Variants in NEDD4 observed in about 807,000 individuals in gnomAD.
NEDD4 encodes E3 ubiquitin-protein ligase NEDD4.
NEDD4 carries 99 observed loss-of-function variants against 144.9 expected under a neutral mutation model. The observed-to-expected ratio is 0.68, with a 90% CI of 0.58 to 0.81. The LOEUF (loss-of-function observed/expected upper bound fraction) is 0.81, where lower values mean the gene tolerates loss of function less well. NEDD4 is among the 30% of genes least tolerant of loss of function. NEDD4 has a pLI of 0.00. For missense variants in NEDD4, 985 were observed against 1,065.9 expected (o/e 0.92, Z 1.06); for synonymous variants, 318 against 350.6 (o/e 0.91, Z 1.04).
At chr15:55,948,854 G>A (rs1211844610) in intron 4 of NEDD4, among the ~76,000 whole-genome samples, 2 of 152,222 alleles carry the variant, frequency 1.3e-5, no homozygotes, top group Non-Finnish European at 2.9e-5. Context: ...AAGAACCGTA[G>A]AAGAAAACCC....
intron 1 of NEDD4, among the ~76,000 whole-genome samples, chr15:55,976,300 T>G (rs2037698711): frequency 6.6e-6 from 1 of 152,108 alleles, no homozygotes. Context: ...GACCACAGAA[T>G]GGGAGAAAAT....
chr15:55,991,843 T>C (rs1241016028), intron 1 of NEDD4: 1 of 152,216 alleles, frequency 6.6e-6, no homozygotes, highest in Non-Finnish European at 1.5e-5. Context: ...GGGGTGATGA[T>C]TGAAAACAGA....
intron 4 of NEDD4, among the ~76,000 whole-genome samples, chr15:55,941,377 C>T (rs981612618): frequency 4.6e-5 from 7 of 152,118 alleles, no homozygotes; most frequent in Non-Finnish European, 7.4e-5. Flanking sequence ...CTTCATCCCA[C>T]ATTTGGTATG....
At chr15:55,962,556 G>A (rs2037443574) in intron 2 of NEDD4, among the ~76,000 whole-genome samples, 1 of 152,058 alleles carries the variant, frequency 6.6e-6, no homozygotes, top group South Asian at 2.1e-4. Context: ...CAATTCTCCT[G>A]CCTCAGCCTC....
intron 17 of NEDD4, 44 bp downstream of exon 17, chr15:55,848,328 G>C: frequency 6.3e-7 from 1 of 1,576,916 alleles, no homozygotes; most frequent in Non-Finnish European, 8.7e-7. Context: ...GAAGAGACAG[G>C]TGAGCGGACA....
At chr15:55,954,441 A>C (rs1239424148) in intron 2 of NEDD4, among the ~76,000 whole-genome samples, 1 of 152,206 alleles carries the variant, frequency 6.6e-6, no homozygotes, top group Non-Finnish European at 1.5e-5. Context: ...ACAAAATGTA[A>C]ATGTAATTAT....
Position 55,853,818 on chromosome 15 carries a change from G to C in NEDD4, c.1027-1275C>G, listed in dbSNP as rs1040054925. Among the ~76,000 whole-genome samples, 3 of 152,120 alleles carry C rather than the reference G, an allele frequency of 2.0e-5. 1 individual carries two copies. The highest frequency in any genetic ancestry group is 1.5e-5 in the Non-Finnish European group (1 of 68,030). ...AGCCTGGCCAACATGGTGAAAACTT[G>C]TCTCTACTAAAAGTACAAAAAAATT... is the stretch of plus-strand genomic sequence containing the variant. On this transcript the variant is annotated intron_variant, in intron 12 of 28. Transcript: ENST00000435532.
At position 55,828,551 on chromosome 15, in the gene NEDD4, A is replaced by G. The variant is rs550622419; in HGVS notation, c.*1346T>C. Reference sequence around the variant, plus strand: ...CTACTTTTGATTGTTTTACAAATTCATAGACACATTTGCAAGTTCCTTGAG... The same window carrying G: ...CTACTTTTGATTGTTTTACAAATTCGTAGACACATTTGCAAGTTCCTTGAG... On this transcript the variant is annotated 3_prime_UTR_variant, in exon 29 of 29. Coordinates refer to ENST00000435532, the MANE Select transcript of NEDD4 (RefSeq NM_006154.4). 6.6e-6 allele frequency: 1 copy of G among 152,454 alleles called. No individual in the cohort carries two copies. The highest frequency in any genetic ancestry group is 2.4e-5 in the African/African-American group (1 of 41,566). 9.4% of individuals were successfully genotyped at this position (152,454 alleles called of 1,614,324 possible). A position where few individuals can be genotyped will look rare whatever the true frequency, so the allele number is the denominator to read the frequency against.
Position 55,837,949 on chromosome 15 carries a change from A to G in NEDD4, c.2202-100T>C, listed in dbSNP as rs976155180. On this transcript the variant is annotated intron_variant, in intron 23 of 28. Transcript: ENST00000435532. ...AAAAACTAAAGGCTAGCTGAGACCAAGGTAAAAGCTGAATATGAGTGCTTG... is the reference window on the plus strand; with the variant it reads ...AAAAACTAAAGGCTAGCTGAGACCAGGGTAAAAGCTGAATATGAGTGCTTG... 7 of 1,022,328 alleles carry G rather than the reference A, an allele frequency of 6.8e-6. 1 individual carries two copies. In the Admixed American group the frequency reaches 1.3e-4, roughly 20 times the overall value. 63.3% of individuals were successfully genotyped at this position (1,022,328 alleles called of 1,614,324 possible). A position where few individuals can be genotyped will look rare whatever the true frequency, so the allele number is the denominator to read the frequency against.
At position 55,829,644 on chromosome 15, in the gene NEDD4, GTGGTGGTGCCTGGCTTTAGGC is replaced by G. The variant is rs1277762843; in HGVS notation, c.*232_*252del. ...TATTGTGTGAACTCTAAAGCCAGGT[GTGGTGGTGCCTGGCTTTAGGC>G]AGGCACCTAACTCTAAAGACAGCAT... On this transcript the variant is annotated 3_prime_UTR_variant, in exon 29 of 29. Coordinates refer to ENST00000435532, the MANE Select transcript of NEDD4 (RefSeq NM_006154.4). 1.1e-5 allele frequency: 4 copies of G among 367,410 alleles called. No individual in the cohort carries two copies. The Admixed American group carries it at 1.3e-4, about 12-fold the overall frequency. 22.8% of individuals were successfully genotyped at this position (367,410 alleles called of 1,614,324 possible). A position where few individuals can be genotyped will look rare whatever the true frequency, so the allele number is the denominator to read the frequency against.
intron 2 of NEDD4, among the ~76,000 whole-genome samples, chr15:55,960,512 A>C (rs903414945): frequency 1.3e-5 from 2 of 152,156 alleles, no homozygotes; most frequent in African/African-American, 4.8e-5. Context: ...TTGTACCTTC[A>C]GCCACAGACT....
At chr15:55,848,279 T>C in intron 17 of NEDD4, 93 bp downstream of exon 17, 2 of 1,204,742 alleles carry the variant, frequency 1.7e-6, no homozygotes, top group Non-Finnish European at 1.2e-6. Flanking sequence ...TGCTTTCCTC[T>C]CAATGCCTGT....
chr15:55,865,176 C>T (rs1019135226), intron 8 of NEDD4, among the ~76,000 whole-genome samples: 2 of 121,726 alleles, frequency 1.6e-5, no homozygotes, highest in Admixed American at 1.1e-4. Flanking sequence ...CCAGCCTGGG[C>T]GATAGAGCAA....
intron 1 of NEDD4, among the ~76,000 whole-genome samples, chr15:55,982,006 A>G (rs1159553612): frequency 6.6e-6 from 1 of 152,202 alleles, no homozygotes; most frequent in Non-Finnish European, 1.5e-5. Context: ...TGATAACACC[A>G]TATCTGTTTT....
Position 55,840,435 on chromosome 15 carries a change from A to C in NEDD4, c.2031+12T>G, listed in dbSNP as rs2033450015. ...TTATACTTCGTCTATACTATAAGTG[A>C]AAAAGACATACCACAGATTCCATAT... On this transcript the variant is annotated intron_variant, in intron 21 of 28. Coordinates refer to ENST00000435532, the MANE Select transcript of NEDD4 (RefSeq NM_006154.4). 1 of 1,608,290 alleles carries C rather than the reference A, an allele frequency of 6.2e-7. No individual in the cohort carries two copies. Among genetic ancestry groups the C allele is most frequent in the African/African-American group, 1.3e-5 (1 of 74,722 alleles).
chr15:55,932,941 CAG>C (rs2036811566), intron 4 of NEDD4, among the ~76,000 whole-genome samples: 1 of 152,176 alleles, frequency 6.6e-6, no homozygotes, highest in Admixed American at 6.5e-5. Flanking sequence ...CACTGGCCAT[CAG>C]AGAGTTTGCA....
chr15:55,870,504 CTTT>C (rs1200571286), intron 7 of NEDD4, among the ~76,000 whole-genome samples: 12 of 144,566 alleles, frequency 8.3e-5, no homozygotes, highest in South Asian at 2.2e-4. Flanking sequence ...GCTGCTGCTG[CTTT>C]TTTTTTCTTC....
intron 2 of NEDD4, among the ~76,000 whole-genome samples, chr15:55,954,025 T>C (rs1219761136): frequency 6.6e-6 from 1 of 152,240 alleles, no homozygotes; most frequent in Non-Finnish European, 1.5e-5. Flanking sequence ...CTTTTCTTCA[T>C]TTCCTTAATT....
At chr15:55,875,369 G>C (rs2142074221) in intron 5 of NEDD4, among the ~76,000 whole-genome samples, 1 of 152,232 alleles carries the variant, frequency 6.6e-6, no homozygotes, top group Non-Finnish European at 1.5e-5. Flanking sequence ...GAGTGCAGTG[G>C]TGCAATCACA....
Sources: allele counts gnomAD v4.1 joint callset (sites outside exome capture counted in the v4.1 genomes callset), GRCh38; gene constraint gnomAD v4.1.1; transcripts MANE v1.5; gene names NCBI Gene and HGNC (gene_info 2026-07-23, HGNC 2026-07-21).